Variants in PCDHA2 observed in about 807,000 individuals in gnomAD.
PCDHA2 encodes protocadherin alpha 2, also known as protocadherin alpha-2.
Under a neutral mutation model 66.0 loss-of-function variants are expected in PCDHA2, and 58 were observed. The ratio of observed to expected loss-of-function variants is 0.88; its 90% CI spans 0.71 to 1.09. The LOEUF (loss-of-function observed/expected upper bound fraction) is 1.09, where lower values mean the gene tolerates loss of function less well. Among genes scored for constraint, PCDHA2 ranks in the 50% least tolerant of loss-of-function variants. The pLI, the probability that PCDHA2 is intolerant of heterozygous loss-of-function variation, is 0.00. For synonymous variants in PCDHA2, 634 were observed against 554.0 expected, an observed-to-expected ratio of 1.14 and a Z score of -2.03; for missense variants, 1,267 against 1,242.3, an observed-to-expected ratio of 1.02 and a Z score of -0.30.
intron 1 of PCDHA2, among the ~76,000 whole-genome samples, chr5:140,906,628 G>A (rs976764797): frequency 2.0e-5 from 3 of 152,180 alleles, no homozygotes; most frequent in African/African-American, 7.2e-5. Context: ...CCTTCAGCAA[G>A]CACCTCAGCA....
At chr5:140,836,226 G>A (rs2150255881) in intron 1 of PCDHA2, 3 of 1,613,708 alleles carry the variant, frequency 1.9e-6, no homozygotes, top group Admixed American at 1.7e-5. Flanking sequence ...GCAACCGGTG[G>A]CGGCCGGTGC....
At chr5:140,807,475 C>A (rs1554124044) in intron 1 of PCDHA2, 4 of 1,612,816 alleles carry the variant, frequency 2.5e-6, no homozygotes, top group Non-Finnish European at 3.4e-6. Flanking sequence ...AGGAGCTGTG[C>A]CGGCGGAGCG....
At chr5:140,853,743 T>C (rs1258118631) in intron 1 of PCDHA2, 2 of 988,454 alleles carry the variant, frequency 2.0e-6, no homozygotes, top group African/African-American at 1.8e-5. Context: ...AATGTTCTGG[T>C]TCAAGGCTCC....
At chr5:140,928,350 T>A in intron 1 of PCDHA2, 1 of 1,614,098 alleles carries the variant, frequency 6.2e-7, no homozygotes, top group Non-Finnish European at 8.5e-7. Context: ...AGCTGTTGGA[T>A]GTTATCTCTG....
intron 1 of PCDHA2, among the ~76,000 whole-genome samples, chr5:140,910,884 T>C (rs748501328): frequency 3.3e-5 from 5 of 152,254 alleles, no homozygotes; most frequent in Non-Finnish European, 7.3e-5. Flanking sequence ...ACCCTTAATA[T>C]CCATTCCTAT....
rs116160554 is a variant in PCDHA2, at chr5:140,845,319, C to A, written c.2388+47967C>A. Among the ~76,000 whole-genome samples the A allele has an allele frequency of 3.7e-3, 557 of 149,574 alleles. 34 individuals carry two copies. Among genetic ancestry groups the A allele is most frequent in the African/African-American group, 0.011 (448 of 40,946 alleles). ...ATGTCTACCTGGTTCTCAGGTATTA[C>A]TTTAATTACTGAATTCTCCTAAACA... On this transcript the variant is annotated intron_variant, in intron 1 of 3. Coordinates refer to ENST00000526136, the MANE Select transcript of PCDHA2 (RefSeq NM_018905.3).
intron 1 of PCDHA2, chr5:140,805,489 A>C: frequency 1.0e-6 from 1 of 993,092 alleles, no homozygotes; most frequent in Non-Finnish European, 1.2e-6. Context: ...GGGAGCGTAA[A>C]GCTATTTTCA....
intron 1 of PCDHA2, among the ~76,000 whole-genome samples, chr5:140,806,603 A>C (rs1253331970): frequency 6.6e-6 from 1 of 151,862 alleles, no homozygotes; most frequent in African/African-American, 2.4e-5. Flanking sequence ...CCTAGAGACC[A>C]GTCCCCTCAA....
intron 1 of PCDHA2, chr5:140,877,160 C>G: frequency 6.2e-7 from 1 of 1,613,814 alleles, no homozygotes; most frequent in Non-Finnish European, 8.5e-7. Flanking sequence ...GACAACGCGC[C>G]GGCACTGCTG....
At chr5:140,953,554 A>C (rs1554220985) in intron 1 of PCDHA2, among the ~76,000 whole-genome samples, 2 of 152,044 alleles carry the variant, frequency 1.3e-5, no homozygotes, top group Non-Finnish European at 2.9e-5. Flanking sequence ...TCTTTTCTCC[A>C]AGTTTTAGTG....
chr5:140,834,621 C>G lies in PCDHA2; in HGVS notation c.2388+37269C>G, dbSNP rs1479128016. On this transcript the variant is annotated intron_variant, in intron 1 of 3. Coordinates refer to ENST00000526136, the MANE Select transcript of PCDHA2 (RefSeq NM_018905.3). ...TGGGGATCTTCTGGAGGTAAATCTG[C>G]AGAATGGCATTTTGTTTGTGAATTC... The G allele has an allele frequency of 2.5e-6, 4 of 1,614,176 alleles. No homozygotes were observed. In the African/African-American group the frequency reaches 5.3e-5, roughly 22 times the overall value.
chr5:140,875,452 C>G (rs370742022), intron 1 of PCDHA2: 1 of 1,592,452 alleles, frequency 6.3e-7, no homozygotes, highest in Non-Finnish European at 8.6e-7. Flanking sequence ...TGTCCCAACT[C>G]AGAGGCCCTC....
chr5:140,828,138 T>A (rs2150151301), intron 1 of PCDHA2: 1 of 1,613,970 alleles, frequency 6.2e-7, no homozygotes, highest in Non-Finnish European at 8.5e-7. Context: ...TGTCTGCTCC[T>A]CCCGCTTCTG....
intron 1 of PCDHA2, among the ~76,000 whole-genome samples, chr5:140,840,382 G>C (rs1456193921): frequency 2.0e-5 from 3 of 151,912 alleles, no homozygotes; most frequent in Admixed American, 2.0e-4. Context: ...GAAAATAGGG[G>C]GTTGCAGATA....
intron 3 of PCDHA2, among the ~76,000 whole-genome samples, chr5:140,998,062 C>T (rs2097795439): frequency 6.6e-6 from 1 of 152,176 alleles, no homozygotes; most frequent in African/African-American, 2.4e-5. Flanking sequence ...TCATCATCAA[C>T]AGACTTAGCC....
chr5:140,875,921 C>G, intron 1 of PCDHA2: 1 of 1,614,228 alleles, frequency 6.2e-7, no homozygotes. Flanking sequence ...CCTCTGGACT[C>G]TCATTTTCCT....
chr5:141,010,201 C>A lies in PCDHA2; in HGVS notation c.*264C>A, dbSNP rs782495760. On this transcript the variant is annotated 3_prime_UTR_variant, in exon 4 of 4. Transcript: ENST00000526136. ...GCAGACCCAAGTTTCCTTTCTCCTC[C>A]GCCGCAAAGGAGAGGCTTCCCAGCC... 5.0e-5 allele frequency: 77 copies of A among 1,551,916 alleles called. No individual in the cohort carries two copies. The highest frequency in any genetic ancestry group is 6.1e-5 in the Non-Finnish European group (70 of 1,147,084).
At chr5:140,850,643 G>T in intron 1 of PCDHA2, 1 of 1,598,690 alleles carries the variant, frequency 6.3e-7, no homozygotes, top group Non-Finnish European at 8.6e-7. Flanking sequence ...TCACGCTGCT[G>T]CTGTACACTG....
intron 1 of PCDHA2, among the ~76,000 whole-genome samples, chr5:140,947,921 C>A (rs1327858146): frequency 6.6e-6 from 1 of 151,536 alleles, no homozygotes; most frequent in African/African-American, 2.4e-5. Context: ...CTTGCCTTAA[C>A]CCTGATCTTA....
Sources: gnomAD v4.1 joint callset for allele counts (sites outside exome capture counted in the v4.1 genomes callset) on GRCh38, gnomAD v4.1.1 for gene constraint, MANE v1.5 for transcripts, NCBI Gene and HGNC (gene_info 2026-07-23, HGNC 2026-07-21) for gene names.